The following TENM2 variants were observed in gnomAD, a reference collection of about 807,000 sequenced individuals.
The protein encoded by TENM2 is teneurin transmembrane protein 2.
In TENM2, 52 loss-of-function variants were observed where a neutral mutation model predicts 245.2. That is an observed-to-expected ratio of 0.21 (90% CI 0.17 to 0.27). The LOEUF is 0.27. Ranked by LOEUF, TENM2 falls within the 10% of genes least tolerant of loss-of-function variation. The pLI, the probability that TENM2 is intolerant of heterozygous loss-of-function variation, is 1.00. For missense variants in TENM2, 3,046 were observed against 3,666.8 expected, an observed-to-expected ratio of 0.83 and a Z score of 4.37; for synonymous variants, 1,363 against 1,438.9, an observed-to-expected ratio of 0.95 and a Z score of 1.19.
At chr5:168,181,222 T>C (rs935989371) in intron 13 of TENM2, among the ~76,000 whole-genome samples, 4 of 152,252 alleles carry the variant, frequency 2.6e-5, no homozygotes, top group Non-Finnish European at 5.9e-5. Context: ...GTTTTGTTGA[T>C]GGCATTTGTT....
intron 2 of TENM2, among the ~76,000 whole-genome samples, chr5:167,400,671 G>C (rs1762314594): frequency 6.6e-6 from 1 of 152,046 alleles, no homozygotes; most frequent in African/African-American, 2.4e-5. Context: ...CCAAGGACAC[G>C]ACCCTAGAAA....
At chr5:167,942,365 C>G (rs1022018164) in intron 3 of TENM2, among the ~76,000 whole-genome samples, 18 of 152,152 alleles carry the variant, frequency 1.2e-4, no homozygotes, top group African/African-American at 4.3e-4. Context: ...TATTAACCAC[C>G]TTTTACAGAT....
chr5:167,893,107 C>T (rs1022998402), intron 3 of TENM2, among the ~76,000 whole-genome samples: 1 of 152,106 alleles, frequency 6.6e-6, no homozygotes, highest in African/African-American at 2.4e-5. Context: ...TCTTTTTATT[C>T]TTCATCGGCA....
At chr5:167,789,456 T>C (rs917185587) in intron 2 of TENM2, among the ~76,000 whole-genome samples, 35 of 152,278 alleles carry the variant, frequency 2.3e-4, no homozygotes, top group Non-Finnish European at 2.9e-5. Context: ...CCTGGACAGG[T>C]GGAAGGAGTG....
At chr5:167,220,008 T>G in the TENM2 span, among the ~76,000 whole-genome samples, 1 of 152,220 alleles carries the variant, frequency 6.6e-6, no homozygotes, top group East Asian at 1.9e-4. Context: ...ATCTTATTTT[T>G]CCACACAAAG....
chr5:168,222,684 A>ACAGT (rs1426722091), intron 23 of TENM2, among the ~76,000 whole-genome samples: 1 of 152,182 alleles, frequency 6.6e-6, no homozygotes, highest in East Asian at 1.9e-4. Flanking sequence ...CCTGAAAAGA[A>ACAGT]CAGTACTGTC....
intron 2 of TENM2, among the ~76,000 whole-genome samples, chr5:167,390,299 C>T (rs1318083174): frequency 6.6e-6 from 1 of 152,072 alleles, no homozygotes; most frequent in Non-Finnish European, 1.5e-5. Flanking sequence ...AGTATGTCAG[C>T]TATTGTTTGG....
chr5:167,001,997 C>A, the TENM2 span, among the ~76,000 whole-genome samples: 14 of 151,974 alleles, frequency 9.2e-5, no homozygotes, highest in Admixed American at 9.2e-4. Context: ...GTACTTATAT[C>A]AAATTGATTC....
At chr5:167,545,823 T>C (rs1343718661) in intron 2 of TENM2, among the ~76,000 whole-genome samples, 1 of 152,238 alleles carries the variant, frequency 6.6e-6, no homozygotes, top group African/African-American at 2.4e-5. Context: ...AGGTTCCTTT[T>C]CGTGCCCTCC....
the TENM2 span, among the ~76,000 whole-genome samples, chr5:167,092,799 G>C: frequency 0.6 from 90,999 of 151,982 alleles, 28,765 homozygotes; most frequent in African/African-American, 0.81. Flanking sequence ...AAGAAAAAGG[G>C]CAAAAGTTCT....
the TENM2 span, among the ~76,000 whole-genome samples, chr5:166,992,241 C>G: frequency 6.6e-6 from 1 of 152,088 alleles, no homozygotes; most frequent in South Asian, 2.1e-4. Flanking sequence ...CCAAATTCTA[C>G]TTCTTATTGT....
chr5:167,426,377 A>G (rs1763825446), intron 2 of TENM2, among the ~76,000 whole-genome samples: 1 of 152,080 alleles, frequency 6.6e-6, no homozygotes, highest in Admixed American at 6.6e-5. Context: ...CCAGCTGTTC[A>G]GGAGGCTACC....
chr5:167,092,744 C>T, the TENM2 span, among the ~76,000 whole-genome samples: 1 of 152,158 alleles, frequency 6.6e-6, no homozygotes, highest in Non-Finnish European at 1.5e-5. Flanking sequence ...CTTTTGACAA[C>T]TGCACTATAG....
chr5:168,093,546 A>G (rs909165796), intron 8 of TENM2, among the ~76,000 whole-genome samples: 6 of 152,228 alleles, frequency 3.9e-5, no homozygotes, highest in African/African-American at 1.4e-4. Context: ...AATGTTAGAC[A>G]GGTGCCTACC....
intron 2 of TENM2, among the ~76,000 whole-genome samples, chr5:167,832,977 C>G (rs1583134019): frequency 6.6e-6 from 1 of 151,978 alleles, no homozygotes; most frequent in African/African-American, 2.4e-5. Context: ...TCACTGGACA[C>G]CCACAAAATC....
the TENM2 span, among the ~76,000 whole-genome samples, chr5:167,060,808 AGT>A: frequency 6.6e-6 from 1 of 152,094 alleles, no homozygotes; most frequent in Non-Finnish European, 1.5e-5. Context: ...TTTGAAAGCC[AGT>A]GTGTGTGTTT....
intron 2 of TENM2, among the ~76,000 whole-genome samples, chr5:167,801,515 G>A (rs1429572809): frequency 1.3e-5 from 2 of 152,066 alleles, no homozygotes; most frequent in Non-Finnish European, 2.9e-5. Flanking sequence ...ACAGGATGGA[G>A]AGAATGGAGC....
intron 2 of TENM2, among the ~76,000 whole-genome samples, chr5:167,448,011 A>G (rs1765333719): frequency 1.3e-5 from 2 of 152,192 alleles, no homozygotes; most frequent in South Asian, 4.1e-4. Context: ...GCTGCCAGGT[A>G]TGGGTAGTGG....
At chr5:168,124,798 C>T (rs2152351509) in intron 10 of TENM2, 52 bp from the exon 13 acceptor site, 1 of 1,513,870 alleles carries the variant, frequency 6.6e-7, no homozygotes, top group East Asian at 2.4e-5. Context: ...GGTCCATCCT[C>T]CATGGGTGAT....
Sources: allele counts gnomAD v4.1 joint callset (sites outside exome capture counted in the v4.1 genomes callset), GRCh38; gene constraint gnomAD v4.1.1; transcripts MANE v1.5; gene names NCBI Gene and HGNC (gene_info 2026-07-23, HGNC 2026-07-21).